HOATZ: variants seen among roughly 807,000 people sequenced by gnomAD.
The protein encoded by HOATZ is HOATZ cilia and flagella associated protein, also known as cilia- and flagella-associated protein HOATZ.
In HOATZ, 26 loss-of-function variants were observed where a neutral mutation model predicts 24.9. The ratio of observed to expected loss-of-function variants is 1.04; its 90% confidence interval spans 0.76 to 1.45. HOATZ has a LOEUF of 1.45. HOATZ is among the 40% of genes most tolerant of loss of function. The pLI is 0.00. For missense variants in HOATZ, 226 were observed against 201.5 expected, an observed-to-expected ratio of 1.12 and a Z score of -0.74; for synonymous variants, 83 against 76.6, an observed-to-expected ratio of 1.08 and a Z score of -0.43.
intron 3 of HOATZ, among the ~76,000 whole-genome samples, chr11:111,532,880 C>G (rs186468673): frequency 1.3e-4 from 20 of 152,218 alleles, no homozygotes; most frequent in Non-Finnish European, 2.5e-4. Flanking sequence ...TTGTTAGATG[C>G]TAGATTATCA....
intron 3 of HOATZ, chr11:111,525,052 G>A: frequency 3.1e-6 from 1 of 318,440 alleles, no homozygotes; most frequent in East Asian, 9.7e-5. Context: ...TGTATTTTTT[G>A]TAGAGGCAGG....
chr11:111,523,918 CT>C (rs1035454789), intron 3 of HOATZ, among the ~76,000 whole-genome samples: 16 of 152,336 alleles, frequency 1.1e-4, no homozygotes, highest in African/African-American at 3.6e-4. Context: ...GGGCATCCCC[CT>C]GTCATCATCC....
At chr11:111,516,545 A>C (rs191844274) in intron 3 of HOATZ, among the ~76,000 whole-genome samples, 4 of 148,724 alleles carry the variant, frequency 2.7e-5, no homozygotes, top group Non-Finnish European at 6.1e-5. Flanking sequence ...CTCTAACTCT[A>C]CAAAAAAAAA....
chr11:111,534,338 T>C, intron 4 of HOATZ, 74 bp from the exon 5 acceptor site: 1 of 1,094,896 alleles, frequency 9.1e-7, no homozygotes. Context: ...TCAGCTTTTT[T>C]TCAAATGAGT....
chr11:111,531,090 G>T (rs1447342940), intron 3 of HOATZ, among the ~76,000 whole-genome samples: 1 of 152,096 alleles, frequency 6.6e-6, no homozygotes, highest in Non-Finnish European at 1.5e-5. Flanking sequence ...CTAAATATTT[G>T]TCTTTTTATA....
chr11:111,536,629 A>T (rs563636893), intron 5 of HOATZ, 141 bp from the exon 6 acceptor site: 49 of 662,526 alleles, frequency 7.4e-5, no homozygotes, highest in Non-Finnish European at 8.4e-5. Flanking sequence ...ACAAGTTTAT[A>T]CTTGGTTGCA....
At chr11:111,523,084 A>C (rs1867288544) in intron 3 of HOATZ, among the ~76,000 whole-genome samples, 1 of 152,224 alleles carries the variant, frequency 6.6e-6, no homozygotes, top group Non-Finnish European at 1.5e-5. Flanking sequence ...TCTCAAAAAA[A>C]AATTGAGTTG....
chr11:111,515,236 A>G (rs948014127), intron 1 of HOATZ: 2 of 600,170 alleles, frequency 3.3e-6, no homozygotes, highest in African/African-American at 1.9e-5. Context: ...CCCTTAAATT[A>G]TGGCATCTAT....
At chr11:111,525,790 G>A (rs532186123) in intron 3 of HOATZ, among the ~76,000 whole-genome samples, 3 of 152,314 alleles carry the variant, frequency 2.0e-5, no homozygotes, top group South Asian at 4.1e-4. Context: ...TACAATGATG[G>A]ACAATGACAA....
intron 3 of HOATZ, among the ~76,000 whole-genome samples, chr11:111,516,393 T>C (rs1035065622): frequency 6.6e-6 from 1 of 152,010 alleles, no homozygotes; most frequent in Non-Finnish European, 1.5e-5. Context: ...TCCCCAACCA[T>C]ATACAGTGTT....
intron 3 of HOATZ, among the ~76,000 whole-genome samples, chr11:111,518,628 C>T (rs1356379757): frequency 6.6e-6 from 1 of 152,194 alleles, no homozygotes; most frequent in Non-Finnish European, 1.5e-5. Flanking sequence ...TGAAATTAAT[C>T]CCATAATAGA....
intron 3 of HOATZ, among the ~76,000 whole-genome samples, chr11:111,525,990 G>T (rs1439952538): frequency 6.6e-6 from 1 of 152,122 alleles, no homozygotes; most frequent in Non-Finnish European, 1.5e-5. Context: ...TTAATAGGGT[G>T]GTATTGATCC....
chr11:111,535,212 T>C (rs150465389), intron 5 of HOATZ: 5 of 152,322 alleles, frequency 3.3e-5, no homozygotes, highest in African/African-American at 1.2e-4. Flanking sequence ...AGAAAGAATA[T>C]GTCTACTCTA....
chr11:111,534,700 G>A, intron 5 of HOATZ: 1 of 495,542 alleles, frequency 2.0e-6, no homozygotes, highest in Non-Finnish European at 3.7e-6. Context: ...AAGCAGCTCA[G>A]CCTTGAAGCT....
intron 5 of HOATZ, chr11:111,534,746 G>C: frequency 2.9e-6 from 1 of 350,206 alleles, no homozygotes; most frequent in Non-Finnish European, 5.2e-6. Flanking sequence ...TCTCACCCTG[G>C]GCTATATAAT....
At chr11:111,519,770 C>T (rs1384269837) in intron 3 of HOATZ, among the ~76,000 whole-genome samples, 1 of 152,122 alleles carries the variant, frequency 6.6e-6, no homozygotes, top group Non-Finnish European at 1.5e-5. Flanking sequence ...TAATTTTCAT[C>T]TTAAATTGGA....
At chr11:111,515,257 G>A (rs1045073637) in intron 1 of HOATZ, among the ~76,000 whole-genome samples, 4 of 152,160 alleles carry the variant, frequency 2.6e-5, no homozygotes, top group African/African-American at 9.7e-5. Context: ...TTGGTAAACA[G>A]TATAGAATAA....
intron 1 of HOATZ, 39 bp from the exon 2 acceptor site, chr11:111,515,472 T>G (rs1274681275): frequency 1.3e-6 from 2 of 1,579,804 alleles, no homozygotes; most frequent in East Asian, 4.5e-5. Flanking sequence ...GTTGTTGACT[T>G]TTCCAATGAT....
chr11:111,532,558 A>G (rs1203903087), intron 3 of HOATZ, among the ~76,000 whole-genome samples: 3 of 152,236 alleles, frequency 2.0e-5, no homozygotes, highest in Admixed American at 1.3e-4. Context: ...GCTTGTCAGC[A>G]AACCACCAGA....
Sources: allele counts gnomAD v4.1 joint callset (sites outside exome capture counted in the v4.1 genomes callset), GRCh38; gene constraint gnomAD v4.1.1; transcripts MANE v1.5; gene names NCBI Gene and HGNC (gene_info 2026-07-23, HGNC 2026-07-21).